Variants in ADAM30 observed in about 807,000 individuals in gnomAD.
ADAM30 encodes the protein ADAM metallopeptidase domain 30.
For missense variants in ADAM30, 960 were observed against 959.4 expected (o/e 1.00, Z -0.01); for synonymous variants, 382 against 340.9 (o/e 1.12, Z -1.33).
chr1:119,893,948 A>G lies in ADAM30; in HGVS notation c.*16T>C. 1 of 1,598,948 alleles carries G rather than the reference A, an allele frequency of 6.3e-7. No individual in the cohort carries two copies. The highest frequency in any genetic ancestry group is 8.5e-7 in the Non-Finnish European group (1 of 1,175,556). On this transcript the variant is annotated 3_prime_UTR_variant, in exon 1 of 1. Coordinates refer to ENST00000369400, the MANE Select transcript of ADAM30 (RefSeq NM_021794.4). ...ATAAATGAGCCTGTGTTACTGAATG[A>G]GTATGGATTGCCCGGTTACTTTTTT...
Position 119,893,700 on chromosome 1 carries a change from A to G in ADAM30, c.*264T>C. ...TAATTCTAGGAAACTCACTACTTTCAGAGCTTTAGTGTATGGAAAAGCCAT... is the reference window on the plus strand; with the variant it reads ...TAATTCTAGGAAACTCACTACTTTCGGAGCTTTAGTGTATGGAAAAGCCAT... On this transcript the variant is annotated 3_prime_UTR_variant, in exon 1 of 1. Coordinates refer to ENST00000369400, the MANE Select transcript of ADAM30 (RefSeq NM_021794.4). 1 of 536,144 alleles carries G rather than the reference A, an allele frequency of 1.9e-6. No individual in the cohort carries two copies. The highest frequency in any genetic ancestry group is 3.1e-6 in the Non-Finnish European group (1 of 324,890). The allele number at this position is 536,144 out of a possible 1,614,324, so 33.2% of individuals were successfully genotyped here.
rs12075707 is a variant in ADAM30, at chr1:119,893,541, C to T, written c.*423G>A. On this transcript the variant is annotated 3_prime_UTR_variant, in exon 1 of 1. Transcript: ENST00000369400. ...ATTTTCTATTCATAAAATGTGTTGTCGGCATTTATTGATCAGCATGGGTGC... is the reference window on the plus strand; with the variant it reads ...ATTTTCTATTCATAAAATGTGTTGTTGGCATTTATTGATCAGCATGGGTGC... The T allele has an allele frequency of 3.2e-5, 6 of 185,382 alleles. No individual in the cohort carries two copies. In the South Asian group the frequency reaches 3.7e-4, roughly 12 times the overall value. 11.5% of individuals were successfully genotyped at this position (185,382 alleles called of 1,614,324 possible).
Position 119,893,553 on chromosome 1 carries a change from A to G in ADAM30, c.*411T>C. On this transcript the variant is annotated 3_prime_UTR_variant, in exon 1 of 1. Coordinates refer to ENST00000369400, the MANE Select transcript of ADAM30 (RefSeq NM_021794.4). ...TAAAATGTGTTGTCGGCATTTATTGATCAGCATGGGTGCAGGTGCGGATGT... is the reference window on the plus strand; with the variant it reads ...TAAAATGTGTTGTCGGCATTTATTGGTCAGCATGGGTGCAGGTGCGGATGT... 5.1e-6 allele frequency: 1 copy of G among 195,710 alleles called. No individual in the cohort carries two copies. The highest frequency in any genetic ancestry group is 1.0e-5 in the Non-Finnish European group (1 of 95,576). The allele number at this position is 195,710 out of a possible 1,614,324, so 12.1% of individuals were successfully genotyped here.
Position 119,894,661 on chromosome 1 carries a change from C to T in ADAM30, c.1676G>A (p.Cys559Tyr). Residue 559 changes from cysteine to tyrosine, a missense_variant, in exon 1 of 1, where the codon TGT becomes TAT. By Grantham distance (194) the Cys-to-Tyr change is radical (BLOSUM62 -2). Coordinates refer to ENST00000369400, the MANE Select transcript of ADAM30 (RefSeq NM_021794.4). ...ATCAGGGATGGTTTCAACATTTATA[C>T]ACTGTAGCCTGCCACATATTGAATT... ...SANSICGRLQCINVETIPDLP... is the reference protein window; with the variant it reads ...SANSICGRLQYINVETIPDLP... 6.2e-7 allele frequency: 1 copy of T among 1,614,128 alleles called. No homozygotes were observed. The highest frequency in any genetic ancestry group is 8.5e-7 in the Non-Finnish European group (1 of 1,180,040).
Position 119,894,651 on chromosome 1 carries a change from A to AACCAGTGT in ADAM30, c.1685_1686insACACTGGT (p.Glu563HisfsTer15), listed in dbSNP as rs1488242275. The stretch of plus-strand genomic sequence containing the variant: ...GCTCTGGCAAATCAGGGATGGTTTC[A>AACCAGTGT]ACATTTATACACTGTAGCCTGCCAC... On this transcript the variant is annotated frameshift_variant, in exon 1 of 1. Coordinates refer to ENST00000369400, the MANE Select transcript of ADAM30 (RefSeq NM_021794.4). LOFTEE classifies it low-confidence loss of function (END_TRUNC). 3 of 1,614,058 alleles carry AACCAGTGT rather than the reference A, an allele frequency of 1.9e-6. No homozygotes were observed. Among genetic ancestry groups the AACCAGTGT allele is most frequent in the African/African-American group, 1.3e-5 (1 of 74,946 alleles).
rs1648580322 is a variant in ADAM30, at chr1:119,896,080, C to T, written c.257G>A (p.Arg86Gln). The change falls in exon 1 of 1, where the codon CGA becomes CAA. Residue 86 changes from arginine to glutamine, a missense_variant. By Grantham distance (43) the Arg-to-Gln change is conservative. Coordinates refer to ENST00000369400, the MANE Select transcript of ADAM30 (RefSeq NM_021794.4). ...TGTGAAGGAGAAAACGCGCAGATGT[C>T]GGGGCAACAGAAGTCTCTTGGGCCA... ...HLWPKRLLLP[R>Q]HLRVFSFTEH... 2 of 1,614,064 alleles carry T rather than the reference C, an allele frequency of 1.2e-6. No individual in the cohort carries two copies. Among genetic ancestry groups the T allele is most frequent in the Non-Finnish European group, 1.7e-6 (2 of 1,180,014 alleles).
At position 119,894,121 on chromosome 1, in the gene ADAM30, G is replaced by A. The variant is rs1016575371; in HGVS notation, c.2216C>T (p.Thr739Ile). ...TTTTGTTTTAGATTCTTCCTGTACA[G>A]TTTTTGTTTTAGATTCTTCCTGTTC... ...KTEQEESKTK[T>I]VQEESKTKTG... The change falls in exon 1 of 1, where the codon ACT (threonine) becomes ATT (isoleucine). Residue 739 changes from threonine (T) to isoleucine (I), a missense_variant. Physicochemically the swap from Thr to Ile is moderately conservative, Grantham distance 89. Transcript: ENST00000369400. The A allele has an allele frequency of 3.7e-6, 6 of 1,613,128 alleles. No homozygotes were observed. The highest frequency in any genetic ancestry group is 1.3e-5 in the African/African-American group (1 of 74,812).
rs115651018 is a variant in ADAM30, at chr1:119,896,393, C to T, written c.-57G>A. Reference sequence around the variant, plus strand: ...TTCAGTCCCTGCAACTCTGGCCTCGCGAGTCAGATTTCTGGGGGCCGCCGC... The same window carrying T: ...TTCAGTCCCTGCAACTCTGGCCTCGTGAGTCAGATTTCTGGGGGCCGCCGC... On this transcript the variant is annotated 5_prime_UTR_variant, in exon 1 of 1. Coordinates refer to ENST00000369400, the MANE Select transcript of ADAM30 (RefSeq NM_021794.4). The T allele has an allele frequency of 1.5e-3, 2,196 of 1,469,134 alleles. 28 individuals carry two copies. The African/African-American group carries it at 0.026, about 17-fold the overall frequency. 91.0% of individuals were successfully genotyped at this position (1,469,134 alleles called of 1,614,324 possible). A position where few individuals can be genotyped will look rare whatever the true frequency, so the allele number is the denominator to read the frequency against.
In ADAM30 at chr1:119,895,492, CT is replaced by C. The variant is rs757984494; in HGVS notation, c.844del (p.Ser282ValfsTer3). ...VLGRFVIYKK[S>X]VLNARLSSDW... is the part of the protein sequence containing the mutation. ...TGATGACAGGCGAGCATTTAATACA[CT>C]TTTTTTATATATTACAAATCTGCCT... On this transcript the variant is annotated frameshift_variant, in exon 1 of 1. Transcript: ENST00000369400. LOFTEE classifies it low-confidence loss of function (END_TRUNC). The C allele has an allele frequency of 1.9e-5, 31 of 1,613,830 alleles. No homozygotes were observed. The highest frequency in any genetic ancestry group is 2.6e-5 in the Non-Finnish European group (31 of 1,179,996).
chr1:119,896,163 C>G lies in ADAM30; in HGVS notation c.174G>C (p.Val58=), dbSNP rs1384711848. ...KLSFRGEVQG[V]VSPVSYLLQL... is the part of the protein sequence containing the mutation. ...GCAGTAGGTAGGACACGGGACTGAC[C>G]ACACCCTGCACCTCTCCCCGGAAGC... The change falls in exon 1 of 1, where the codon GTG becomes GTC. Residue 58 remains valine, a synonymous_variant. Transcript: ENST00000369400. The G allele has an allele frequency of 6.2e-7, 1 of 1,614,136 alleles. No individual in the cohort carries two copies. The highest frequency in any genetic ancestry group is 8.5e-7 in the Non-Finnish European group (1 of 1,180,018).
Position 119,894,823 on chromosome 1 carries a change from A to G in ADAM30, c.1514T>C (p.Met505Thr), listed in dbSNP as rs1374878108. 2 of 1,614,102 alleles carry G rather than the reference A, an allele frequency of 1.2e-6. No individual in the cohort carries two copies. The highest frequency in any genetic ancestry group is 1.3e-5 in the African/African-American group (1 of 74,938). Residue 505 changes from methionine to threonine, a missense_variant, in exon 1 of 1, where the codon ATG becomes ACG. By Grantham distance (81) the Met-to-Thr change is moderately conservative. Transcript: ENST00000369400. ...AGGTCCAAAAATGCTTTGGCACTGC[A>G]TATATCTGGATCTGCACCCCTTCCT... ...CFRKGCRSRY[M>T]QCQSIFGPDA...
At position 119,894,544 on chromosome 1, in the gene ADAM30, A is replaced by G. The variant is rs1476431997; in HGVS notation, c.1793T>C (p.Met598Thr). 1.9e-6 allele frequency: 3 copies of G among 1,613,938 alleles called. No individual in the cohort carries two copies. The highest frequency in any genetic ancestry group is 1.6e-4 in the Middle Eastern group (1 of 6,062). ...GTGYHLSMKP[M>T]GIPDLGMIND... ...TATCATACCTAGGTCAGGTATTCCCATGGGTTTCATGGATAGATGATAGCC... is the reference window on the plus strand; with the variant it reads ...TATCATACCTAGGTCAGGTATTCCCGTGGGTTTCATGGATAGATGATAGCC... The change falls in exon 1 of 1, where the codon ATG (methionine) becomes ACG (threonine). Residue 598 changes from methionine to threonine, a missense_variant. Coordinates refer to ENST00000369400, the MANE Select transcript of ADAM30 (RefSeq NM_021794.4).
rs751092074 is a variant in ADAM30 at position 119,895,863 on chromosome 1, G to A, written c.474C>T (p.Val158=). ...PLKASPSFEH[V]VYLLKKEQFG... ...ACTGCTCTTTCTTCAGGAGATAGAC[G>A]ACATGTTCAAAACTGGGAGAGGCCT... The change falls in exon 1 of 1, where the codon GTC becomes GTT. Residue 158 remains valine (V), a synonymous_variant. Transcript: ENST00000369400. The A allele has an allele frequency of 2.5e-6, 4 of 1,614,144 alleles. No individual in the cohort carries two copies. Among genetic ancestry groups the A allele is most frequent in the Middle Eastern group, 3.3e-4 (2 of 6,062 alleles).
In ADAM30 at chr1:119,895,203, A is replaced by G. The variant is rs773509669; in HGVS notation, c.1134T>C (p.Phe378=). ...TTGCTCCCGAAGAGATATGTTTAAAAAAAGAGATATAACTGCAATTGCTAA... is the reference window on the plus strand; with the variant it reads ...TTGCTCCCGAAGAGATATGTTTAAAGAAAGAGATATAACTGCAATTGCTAA... The part of the protein sequence containing the change: ...TGFSNCSYIS[F]FKHISSGATC... Residue 378 remains phenylalanine, a synonymous_variant, in exon 1 of 1, where the codon TTT becomes TTC. Coordinates refer to ENST00000369400, the MANE Select transcript of ADAM30 (RefSeq NM_021794.4). 5 of 1,614,232 alleles carry G rather than the reference A, an allele frequency of 3.1e-6. No individual in the cohort carries two copies. In the Admixed American group the frequency reaches 8.3e-5, roughly 27 times the overall value.
rs1648504690 is a variant in ADAM30, at chr1:119,894,231, T to A, written c.2106A>T (p.Ser702=). The A allele has an allele frequency of 2.5e-6, 4 of 1,614,112 alleles. No individual in the cohort carries two copies. The East Asian group carries it at 8.9e-5, about 36-fold the overall frequency. Reference sequence around the variant, plus strand: ...CTTGCCGGAAAAACACAAAAACCACTGAAAGGATTAATAAAATAAGGCGAA... The same window carrying A: ...CTTGCCGGAAAAACACAAAAACCACAGAAAGGATTAATAAAATAAGGCGAA... ...IMFRLILLIL[S]VVFVFFRQVI... The change falls in exon 1 of 1, where the codon TCA becomes TCT. Residue 702 remains serine, a synonymous_variant. Transcript: ENST00000369400.
In ADAM30 at chr1:119,894,330, G is replaced by T. The variant is rs1410872590; in HGVS notation, c.2007C>A (p.Ser669Arg). 1 of 1,614,138 alleles carries T rather than the reference G, an allele frequency of 6.2e-7. No individual in the cohort carries two copies. Among genetic ancestry groups the T allele is most frequent in the South Asian group, 1.1e-5 (1 of 91,068 alleles). ...PFCEEVGYGG[S>R]IDSGPPGLLR... ...GCAGTCCTGGAGGCCCACTGTCAAT[G>T]CTTCCTCCATACCCCACTTCCTCAC... Residue 669 changes from serine (S) to arginine (R), a missense_variant, in exon 1 of 1, where the codon AGC becomes AGA. Ser to Arg is a moderately radical substitution (Grantham distance 110). Coordinates refer to ENST00000369400, the MANE Select transcript of ADAM30 (RefSeq NM_021794.4).
chr1:119,893,917 G>C lies in ADAM30; in HGVS notation c.*47C>G. 6.4e-7 allele frequency: 1 copy of C among 1,552,734 alleles called. No individual in the cohort carries two copies. Among genetic ancestry groups the C allele is most frequent in the Admixed American group, 2.2e-5 (1 of 46,424 alleles). ...AAAGCCTTTGGATAAATGATTAGCT[G>C]GTTAAATAAATGAGCCTGTGTTACT... On this transcript the variant is annotated 3_prime_UTR_variant, in exon 1 of 1. Coordinates refer to ENST00000369400, the MANE Select transcript of ADAM30 (RefSeq NM_021794.4).
chr1:119,896,222 C>A lies in ADAM30; in HGVS notation c.115G>T (p.Asp39Tyr), dbSNP rs755061645. The A allele has an allele frequency of 3.7e-6, 6 of 1,614,184 alleles. No individual in the cohort carries two copies. The Admixed American group carries it at 1.0e-4, about 27-fold the overall frequency. Residue 39 changes from aspartate (D) to tyrosine (Y), a missense_variant, in exon 1 of 1, where the codon GAC becomes TAC. Asp to Tyr is a radical substitution (Grantham distance 160). Coordinates refer to ENST00000369400, the MANE Select transcript of ADAM30 (RefSeq NM_021794.4). ...DVIFHPEGEFDSYEVTIPEKL... is the reference protein window; with the variant it reads ...DVIFHPEGEFYSYEVTIPEKL... ...TCAGGAATGGTGACTTCATACGAGT[C>A]AAACTCCCCTTCAGGGTGAAAAATT... is the stretch of plus-strand genomic sequence containing the variant.
At position 119,895,312 on chromosome 1, in the gene ADAM30, T is replaced by A; in HGVS notation, c.1025A>T (p.His342Leu). ...TTCATCATGTGACATTCCTACAGCA[T>A]GACCCAGCTCATGAGCAGACCAGGT... is the stretch of plus-strand genomic sequence containing the variant. ...PATWSAHELG[H>L]AVGMSHDEQY... The change falls in exon 1 of 1, where the codon CAT becomes CTT. Residue 342 changes from histidine to leucine, a missense_variant. By Grantham distance (99) the His-to-Leu change is moderately conservative (BLOSUM62 -3). Coordinates refer to ENST00000369400, the MANE Select transcript of ADAM30 (RefSeq NM_021794.4). The A allele has an allele frequency of 1.2e-6, 2 of 1,614,226 alleles. No individual in the cohort carries two copies. The highest frequency in any genetic ancestry group is 1.7e-6 in the Non-Finnish European group (2 of 1,180,042).
Sources: allele counts gnomAD v4.1 joint callset, GRCh38; gene constraint gnomAD v4.1.1; transcripts MANE v1.5; gene names NCBI Gene and HGNC (gene_info 2026-07-23, HGNC 2026-07-21).